Variants in LOC122539214 observed in about 807,000 individuals in gnomAD.
chr19:52,683,228 C>CTGTGTGTGTG, the LOC122539214 span, among the ~76,000 whole-genome samples: 378 of 128,010 alleles, frequency 3.0e-3, 1 homozygote, highest in East Asian at 0.016. Context: ...CCCTGTGACT[C>CTGTGTGTGTG]TGTGTGTGTG....
chr19:52,660,139 T>C, the LOC122539214 span, among the ~76,000 whole-genome samples: 309 of 133,618 alleles, frequency 2.3e-3, no homozygotes, highest in African/African-American at 7.4e-3. Context: ...AGAATCATGG[T>C]GGTAAGACCA....
At chr19:52,670,768 A>G in the LOC122539214 span, among the ~76,000 whole-genome samples, 1 of 152,208 alleles carries the variant, frequency 6.6e-6, no homozygotes, top group African/African-American at 2.4e-5. Flanking sequence ...AAGATGCATT[A>G]ATTTTGTTCA....
chr19:52,684,062 T>C, the LOC122539214 span, among the ~76,000 whole-genome samples: 4 of 152,072 alleles, frequency 2.6e-5, no homozygotes, highest in African/African-American at 9.7e-5. Context: ...GGTGAAACCC[T>C]GTCTCTACTA....
At chr19:52,668,893 T>C in the LOC122539214 span, among the ~76,000 whole-genome samples, 7 of 152,114 alleles carry the variant, frequency 4.6e-5, no homozygotes, top group Admixed American at 1.3e-4. Flanking sequence ...GCTCTCTCTG[T>C]CTGCTATATC....
the LOC122539214 span, among the ~76,000 whole-genome samples, chr19:52,669,623 T>C: frequency 2.0e-5 from 3 of 152,340 alleles, no homozygotes; most frequent in South Asian, 2.1e-4. Flanking sequence ...CATTGCAAGG[T>C]CTGACTGCTC....
At chr19:52,659,196 C>T in the LOC122539214 span, among the ~76,000 whole-genome samples, 1 of 152,026 alleles carries the variant, frequency 6.6e-6, no homozygotes. Context: ...TCAAGCCTCT[C>T]TTGAGGCAAC....
chr19:52,667,495 G>A, the LOC122539214 span, among the ~76,000 whole-genome samples: 1 of 152,170 alleles, frequency 6.6e-6, no homozygotes, highest in African/African-American at 2.4e-5. Context: ...TGTGCAAGTT[G>A]TGTAAGGAAA....
the LOC122539214 span, among the ~76,000 whole-genome samples, chr19:52,683,475 GC>G: frequency 7.6e-6 from 1 of 132,334 alleles, no homozygotes; most frequent in East Asian, 2.0e-4. Flanking sequence ...TGTCCTTCAT[GC>G]CCCTCAGGTC....
chr19:52,663,377 T>C, the LOC122539214 span, among the ~76,000 whole-genome samples: 1 of 152,212 alleles, frequency 6.6e-6, no homozygotes, highest in Non-Finnish European at 1.5e-5. Flanking sequence ...AAATGAGATC[T>C]GAGCAAATGT....
At chr19:52,662,996 C>T in the LOC122539214 span, among the ~76,000 whole-genome samples, 2 of 152,018 alleles carry the variant, frequency 1.3e-5, no homozygotes, top group Non-Finnish European at 2.9e-5. Context: ...AATCCCGTCT[C>T]TATGAAAAGT....
the LOC122539214 span, among the ~76,000 whole-genome samples, chr19:52,684,928 C>G: frequency 2.0e-5 from 3 of 152,160 alleles, no homozygotes; most frequent in Non-Finnish European, 4.4e-5. Flanking sequence ...TCCTGGGGAA[C>G]ACGGGAAGCC....
chr19:52,687,819 T>C, the LOC122539214 span, among the ~76,000 whole-genome samples: 1 of 149,144 alleles, frequency 6.7e-6, no homozygotes, highest in Non-Finnish European at 1.5e-5. Flanking sequence ...AGCCAGACCC[T>C]GTCTCAAAAT....
the LOC122539214 span, among the ~76,000 whole-genome samples, chr19:52,653,758 C>T: frequency 1.3e-5 from 2 of 152,206 alleles, no homozygotes; most frequent in African/African-American, 4.8e-5. Flanking sequence ...AGTATGAACT[C>T]TATGGTGCCA....
chr19:52,684,631 A>G, the LOC122539214 span, among the ~76,000 whole-genome samples: 1 of 151,258 alleles, frequency 6.6e-6, no homozygotes, highest in African/African-American at 2.4e-5. Context: ...GTAACGTGAT[A>G]GAGACTGGTG....
chr19:52,688,069 T>A, the LOC122539214 span, among the ~76,000 whole-genome samples: 1 of 151,904 alleles, frequency 6.6e-6, no homozygotes, highest in Non-Finnish European at 1.5e-5. Flanking sequence ...TCTTTATAAT[T>A]TAATCAAGTT....
At chr19:52,653,063 A>G in the LOC122539214 span, 12 of 1,487,526 alleles carry the variant, frequency 8.1e-6, no homozygotes, top group African/African-American at 1.7e-4. Context: ...TTACACTTGT[A>G]AGGTTTCTCT....
the LOC122539214 span, chr19:52,652,921 T>C: frequency 1.7e-6 from 2 of 1,161,662 alleles, no homozygotes; most frequent in Non-Finnish European, 1.3e-6. Flanking sequence ...ATGAAGTCTA[T>C]AATGGTATAC....
chr19:52,672,235 A>AAAAAAT, the LOC122539214 span, among the ~76,000 whole-genome samples: 404 of 152,322 alleles, frequency 2.7e-3, 3 homozygotes, highest in Non-Finnish European at 4.0e-3. Flanking sequence ...TTCTGTCTCA[A>AAAAAAT]AAAAATAAAA....
the LOC122539214 span, among the ~76,000 whole-genome samples, chr19:52,690,196 A>AC: frequency 3.0e-3 from 446 of 149,458 alleles, 1 homozygote; most frequent in African/African-American, 0.011. Flanking sequence ...AAAAAAAAAA[A>AC]AACAACAACA....
Sources: gnomAD v4.1 joint callset for allele counts (sites outside exome capture counted in the v4.1 genomes callset) on GRCh38, gnomAD v4.1.1 for gene constraint, MANE v1.5 for transcripts.